Variants in SNX25 observed in about 807,000 individuals in gnomAD.
SNX25 encodes sorting nexin 25, also known as sorting nexin-25.
A neutral mutation model predicts 113.7 loss-of-function variants in SNX25; 62 were observed. That is an observed-to-expected ratio of 0.55 (90% CI 0.44 to 0.67). SNX25 has a LOEUF of 0.67. Ranked by LOEUF, SNX25 falls within the 30% of genes least tolerant of loss-of-function variation. The probability of loss-of-function intolerance (pLI) is 0.00; values close to 1 mark genes in which losing one functional copy is unlikely to be tolerated. For synonymous variants in SNX25, 421 were observed against 436.2 expected, an observed-to-expected ratio of 0.97 and a Z score of 0.43; for missense variants, 1,014 against 1,161.0, an observed-to-expected ratio of 0.87 and a Z score of 1.84.
chr4:185,242,533 T>C (rs1035066383), intron 1 of SNX25, among the ~76,000 whole-genome samples: 2 of 152,230 alleles, frequency 1.3e-5, no homozygotes, highest in Admixed American at 1.3e-4. Context: ...TGGTTTATTG[T>C]AGAAGATATT....
rs753802407 is a variant in SNX25, at chr4:185,210,762, T to G, written c.429+507T>G. On this transcript the variant is annotated intron_variant, in intron 1 of 18. Transcript: ENST00000652585. The surrounding 1 kb of genome is among the most constrained non-coding windows in gnomAD (Gnocchi z 4.4). The stretch of plus-strand genomic sequence containing the variant: ...CCCGCGTACCCTTCCCACCACCCTA[T>G]CCTGCCTTCCACCATGCGGATACGT... Among the ~76,000 whole-genome samples the G allele has an allele frequency of 1.1e-4, 16 of 151,826 alleles. No homozygotes were observed. Among genetic ancestry groups the G allele is most frequent in the Non-Finnish European group, 1.9e-4 (13 of 67,968 alleles).
chr4:185,228,149 C>T (rs1345247372), intron 1 of SNX25, among the ~76,000 whole-genome samples: 1 of 152,082 alleles, frequency 6.6e-6, no homozygotes, highest in Non-Finnish European at 1.5e-5. Flanking sequence ...GGCCTGTGCT[C>T]TGTAGAAGCC....
chr4:185,223,222 T>A (rs2126361340), intron 1 of SNX25, among the ~76,000 whole-genome samples: 1 of 152,354 alleles, frequency 6.6e-6, no homozygotes, highest in East Asian at 1.9e-4. Context: ...ATTATAGTTT[T>A]ATCGCTCAAA....
intron 7 of SNX25, among the ~76,000 whole-genome samples, chr4:185,314,307 C>T (rs998163688): frequency 3.6e-5 from 3 of 82,836 alleles, no homozygotes; most frequent in African/African-American, 1.5e-4. Flanking sequence ...TGGGAACATA[C>T]AAGACTCCCC....
chr4:185,211,579 TA>T (rs767539430), intron 1 of SNX25, among the ~76,000 whole-genome samples: 8 of 152,216 alleles, frequency 5.3e-5, no homozygotes, highest in Non-Finnish European at 5.9e-5. Flanking sequence ...ATTCATTCGG[TA>T]AATATTTATT....
intron 6 of SNX25, among the ~76,000 whole-genome samples, chr4:185,293,502 A>G (rs1036584105): frequency 2.5e-4 from 38 of 152,378 alleles, no homozygotes; most frequent in Admixed American, 9.1e-4. Context: ...GCAATAGGGC[A>G]CATATTGCAT....
At chr4:185,337,875 A>G (rs1252162518) in intron 10 of SNX25, among the ~76,000 whole-genome samples, 1 of 152,164 alleles carries the variant, frequency 6.6e-6, no homozygotes, top group African/African-American at 2.4e-5. Context: ...TATCTTATTA[A>G]GGTGGTATCT....
intron 9 of SNX25, 32 bp downstream of exon 9, chr4:185,323,832 A>G (rs2126690766): frequency 1.2e-6 from 2 of 1,605,556 alleles, no homozygotes; most frequent in East Asian, 2.2e-5. Flanking sequence ...GCTCCTTTTT[A>G]TTGGATAAGC....
intron 9 of SNX25, 51 bp downstream of exon 9, chr4:185,323,851 A>ATATT: frequency 6.3e-7 from 1 of 1,596,050 alleles, no homozygotes; most frequent in Non-Finnish European, 8.5e-7. Flanking sequence ...GCTTTTAAAT[A>ATATT]TGTTTAAGTG....
At chr4:185,251,941 TCAGTTTATTATA>T (rs1210554545) in intron 2 of SNX25, among the ~76,000 whole-genome samples, 2 of 152,164 alleles carry the variant, frequency 1.3e-5, no homozygotes, top group Non-Finnish European at 2.9e-5. Context: ...GGTAAGCGTT[TCAGTTTATTATA>T]CTTTGCTTTT....
intron 14 of SNX25, among the ~76,000 whole-genome samples, chr4:185,351,878 G>A (rs1051702513): frequency 2.6e-5 from 4 of 151,238 alleles, no homozygotes; most frequent in Admixed American, 6.6e-5. Context: ...TCCCCAGGTC[G>A]GGGGAGGCCA....
At chr4:185,323,893 C>A in intron 9 of SNX25, 93 bp downstream of exon 9, 2 of 1,322,662 alleles carry the variant, frequency 1.5e-6, no homozygotes, top group Non-Finnish European at 2.1e-6. Flanking sequence ...ATTTGATGCA[C>A]ATCTTCATCT....
chr4:185,282,350 G>A (rs1487545031), intron 5 of SNX25, among the ~76,000 whole-genome samples: 1 of 152,054 alleles, frequency 6.6e-6, no homozygotes, highest in Non-Finnish European at 1.5e-5. Flanking sequence ...AGTATTTTTA[G>A]TAAAGACAGA....
At chr4:185,221,298 GC>G (rs1269371423) in intron 1 of SNX25, among the ~76,000 whole-genome samples, 1 of 152,104 alleles carries the variant, frequency 6.6e-6, no homozygotes, top group Non-Finnish European at 1.5e-5. Flanking sequence ...CTCCCAAAGT[GC>G]TGGAATTACA....
chr4:185,326,154 G>A (rs2095155904), intron 9 of SNX25, among the ~76,000 whole-genome samples: 1 of 152,160 alleles, frequency 6.6e-6, no homozygotes, highest in South Asian at 2.1e-4. Flanking sequence ...AAAACTGTCA[G>A]TAGCCCAAAA....
chr4:185,212,398 T>C (rs1259832332), intron 1 of SNX25, among the ~76,000 whole-genome samples: 2 of 152,026 alleles, frequency 1.3e-5, no homozygotes, highest in East Asian at 3.8e-4. Flanking sequence ...TAAAATTCTA[T>C]TTTCTTTGTA....
At position 185,352,349 on chromosome 4, in the gene SNX25, T is replaced by A. The variant is rs527839059; in HGVS notation, c.2466+740T>A. On this transcript the variant is annotated intron_variant, in intron 14 of 18. Coordinates refer to ENST00000652585, the MANE Select transcript of SNX25 (RefSeq NM_001378034.2). ...CCTCTTCACCAGAGGTGGCTTCGAG[T>A]TTGGACAGAGGAACTGATGGTGAAA... 7.9e-5 allele frequency among the ~76,000 whole-genome samples: 12 copies of A among 152,206 alleles called. No homozygotes were observed. The East Asian group carries it at 1.7e-3, about 22-fold the overall frequency.
chr4:185,271,569 A>G (rs1046505831), intron 5 of SNX25, among the ~76,000 whole-genome samples: 2 of 152,188 alleles, frequency 1.3e-5, no homozygotes, highest in Non-Finnish European at 2.9e-5. Flanking sequence ...TTCTTAATTC[A>G]TAGACTGAGC....
chr4:185,251,069 A>G (rs914012460), intron 2 of SNX25, among the ~76,000 whole-genome samples: 1 of 151,814 alleles, frequency 6.6e-6, no homozygotes, highest in Admixed American at 6.6e-5. Flanking sequence ...ATCTTGGCTC[A>G]CTGCAACCTC....
Sources: allele counts gnomAD v4.1 joint callset (sites outside exome capture counted in the v4.1 genomes callset), GRCh38; gene constraint gnomAD v4.1.1; non-coding constraint Gnocchi (gnomAD v3.1); transcripts MANE v1.5; gene names NCBI Gene and HGNC (gene_info 2026-07-23, HGNC 2026-07-21).